The following MAP3K2 variants were observed in gnomAD, a reference collection of about 807,000 sequenced individuals.
MAP3K2 encodes the protein mitogen-activated protein kinase kinase kinase 2.
MAP3K2 carries 24 observed loss-of-function variants against 80.3 expected under a neutral mutation model. That is an observed-to-expected ratio of 0.30 (90% CI 0.22 to 0.42). The LOEUF is 0.42. Ranked by LOEUF, MAP3K2 falls within the 10% of genes least tolerant of loss-of-function variation. The probability of loss-of-function intolerance (pLI) is 1.00; values close to 1 mark genes in which losing one functional copy is unlikely to be tolerated. For missense variants in MAP3K2, 608 were observed against 750.1 expected (o/e 0.81, Z 2.21); for synonymous variants, 244 against 253.7 (o/e 0.96, Z 0.36).
Position 127,321,174 on chromosome 2 carries a change from A to G in MAP3K2, c.1045+872T>C, listed in dbSNP as rs1452405971. 1.3e-5 allele frequency among the ~76,000 whole-genome samples: 2 copies of G among 152,240 alleles called. No individual in the cohort carries two copies. Among genetic ancestry groups the G allele is most frequent in the Non-Finnish European group, 2.9e-5 (2 of 68,036 alleles). ...AAAGCAGAATGAACTCAGTACCAGC[A>G]TGCCTATATTACAAGAAAGGTTAAA... On this transcript the variant is annotated intron_variant, in intron 12 of 16. Transcript: ENST00000682094. The surrounding 1 kb of genome is among the most constrained non-coding windows in gnomAD (Gnocchi z 4.4).
chr2:127,313,342 G>C (rs1406347662), intron 15 of MAP3K2, among the ~76,000 whole-genome samples: 2 of 152,134 alleles, frequency 1.3e-5, no homozygotes, highest in African/African-American at 4.8e-5. Context: ...AAGCTATCAG[G>C]TTTCGTACTT....
At chr2:127,352,113 G>A (rs1404834096) in intron 1 of MAP3K2, among the ~76,000 whole-genome samples, 1 of 152,000 alleles carries the variant, frequency 6.6e-6, no homozygotes, top group Admixed American at 6.6e-5. Context: ...CTGGGCACAA[G>A]CAATCCACCT....
At chr2:127,316,287 T>C (rs779601219) in intron 14 of MAP3K2, among the ~76,000 whole-genome samples, 2 of 152,174 alleles carry the variant, frequency 1.3e-5, no homozygotes, top group Non-Finnish European at 2.9e-5. Context: ...GGCAGGAGAA[T>C]TGCTTGAACC....
At chr2:127,351,124 CACA>C (rs571411427) in intron 1 of MAP3K2, among the ~76,000 whole-genome samples, 2 of 152,038 alleles carry the variant, frequency 1.3e-5, no homozygotes, top group African/African-American at 2.4e-5. Context: ...ATCAAAAAGA[CACA>C]ACAACTAAAT....
rs1686431655 is a variant in MAP3K2 at position 127,339,246 on chromosome 2, T to G, written c.5-196A>C. Among the ~76,000 whole-genome samples, 1 of 152,228 alleles carries G rather than the reference T, an allele frequency of 6.6e-6. No homozygotes were observed. Reference sequence around the variant, plus strand: ...CACTAGACTTAATCTCTAGCATCAGTCCACACATGAGACACTAATGGACAA... The same window carrying G: ...CACTAGACTTAATCTCTAGCATCAGGCCACACATGAGACACTAATGGACAA... On this transcript the variant is annotated intron_variant, in intron 2 of 16. Transcript: ENST00000682094. This position sits in a 1 kb window ranked among gnomAD's most constrained non-coding sequence, Gnocchi z 4.2.
intron 8 of MAP3K2, 103 bp from the exon 9 acceptor site, chr2:127,325,910 T>G: frequency 1.3e-6 from 1 of 755,324 alleles, no homozygotes. Flanking sequence ...AACATAAAAT[T>G]CACCCATTTA....
intron 1 of MAP3K2, among the ~76,000 whole-genome samples, chr2:127,350,569 A>G (rs1686675869): frequency 6.6e-6 from 1 of 152,054 alleles, no homozygotes. Context: ...ATGTCAACTA[A>G]TGAATGTAAT....
At chr2:127,330,941 G>A (rs1333442212) in intron 5 of MAP3K2, among the ~76,000 whole-genome samples, 1 of 152,118 alleles carries the variant, frequency 6.6e-6, no homozygotes, top group Non-Finnish European at 1.5e-5. Flanking sequence ...CTCAGCTGGT[G>A]TGCTCTTCAA....
chr2:127,343,593 T>C (rs1686540282), intron 1 of MAP3K2, among the ~76,000 whole-genome samples: 1 of 152,074 alleles, frequency 6.6e-6, no homozygotes, highest in Non-Finnish European at 1.5e-5. Flanking sequence ...AGGAAACTAA[T>C]ATGTTGGTTT....
At chr2:127,381,192 G>A (rs1198490192) in intron 1 of MAP3K2, among the ~76,000 whole-genome samples, 1 of 152,056 alleles carries the variant, frequency 6.6e-6, no homozygotes, top group Non-Finnish European at 1.5e-5. Flanking sequence ...TTCATATAAT[G>A]GTAGGAATGA....
chr2:127,342,140 C>A (rs1686504970), intron 2 of MAP3K2, among the ~76,000 whole-genome samples: 1 of 151,942 alleles, frequency 6.6e-6, no homozygotes, highest in Non-Finnish European at 1.5e-5. Flanking sequence ...TGACAGCACC[C>A]AAAATAAAAA....
chr2:127,386,852 C>T (rs1025893336), intron 1 of MAP3K2, among the ~76,000 whole-genome samples: 3 of 152,188 alleles, frequency 2.0e-5, no homozygotes, highest in African/African-American at 4.8e-5. Flanking sequence ...TACAAAAAGA[C>T]ATCTGCATAT....
chr2:127,325,835 T>C, intron 8 of MAP3K2, 28 bp from the exon 9 acceptor site: 21 of 1,504,332 alleles, frequency 1.4e-5, no homozygotes, highest in Non-Finnish European at 1.9e-5. Context: ...TCCACCATGA[T>C]TCAATTTGAT....
At chr2:127,379,691 T>G (rs1687214881) in intron 1 of MAP3K2, among the ~76,000 whole-genome samples, 1 of 152,204 alleles carries the variant, frequency 6.6e-6, no homozygotes, top group African/African-American at 2.4e-5. Context: ...TCAAAGAATG[T>G]TTTTATATTG....
intron 12 of MAP3K2, among the ~76,000 whole-genome samples, chr2:127,318,897 C>A (rs1685958244): frequency 6.6e-6 from 1 of 152,196 alleles, no homozygotes; most frequent in East Asian, 1.9e-4. Context: ...AAGACCCACA[C>A]AAGCAAGGAA....
intron 1 of MAP3K2, among the ~76,000 whole-genome samples, chr2:127,348,102 C>A (rs1015634574): frequency 8.6e-5 from 13 of 152,004 alleles, no homozygotes; most frequent in Admixed American, 8.5e-4. Flanking sequence ...TATTATTGAC[C>A]ATGTGTGGTG....
chr2:127,326,377 G>C (rs1038446365), intron 8 of MAP3K2, among the ~76,000 whole-genome samples: 5 of 142,788 alleles, frequency 3.5e-5, no homozygotes, highest in Non-Finnish European at 7.6e-5. Context: ...AATATTTGTA[G>C]TTTCATTCTA....
intron 1 of MAP3K2, among the ~76,000 whole-genome samples, chr2:127,372,967 C>A (rs1202863411): frequency 6.6e-6 from 1 of 152,220 alleles, no homozygotes; most frequent in Non-Finnish European, 1.5e-5. Flanking sequence ...TCCCCTCCCC[C>A]ACGGCCATTC....
intron 7 of MAP3K2, among the ~76,000 whole-genome samples, chr2:127,328,683 C>CTTA (rs1439855359): frequency 6.6e-6 from 1 of 152,146 alleles, no homozygotes; most frequent in East Asian, 1.9e-4. Flanking sequence ...CAAAGTAGGA[C>CTTA]TTATTTAAGA....
Sources: allele counts gnomAD v4.1 joint callset (sites outside exome capture counted in the v4.1 genomes callset), GRCh38; gene constraint gnomAD v4.1.1; non-coding constraint Gnocchi (gnomAD v3.1); transcripts MANE v1.5; gene names NCBI Gene and HGNC (gene_info 2026-07-23, HGNC 2026-07-21).